LINGO2: variants seen among roughly 807,000 people sequenced by gnomAD.
LINGO2 encodes leucine-rich repeat and immunoglobulin-like domain-containing nogo receptor-interacting protein 2.
LINGO2 carries 14 observed loss-of-function variants against 30.6 expected under a neutral mutation model. The observed-to-expected ratio is 0.46, with a 90% CI of 0.30 to 0.72. The LOEUF is 0.72. LINGO2 is among the 30% of genes least tolerant of loss of function. The probability of loss-of-function intolerance (pLI) is 0.07; values close to 1 mark genes in which losing one functional copy is unlikely to be tolerated. For missense variants in LINGO2, 729 were observed against 751.7 expected, an observed-to-expected ratio of 0.97 and a Z score of 0.35; for synonymous variants, 317 against 288.5, an observed-to-expected ratio of 1.10 and a Z score of -1.00.
chr9:28,127,819 C>T (rs1026046901), intron 4 of LINGO2, among the ~76,000 whole-genome samples: 1 of 152,182 alleles, frequency 6.6e-6, no homozygotes, highest in Non-Finnish European at 1.5e-5. Flanking sequence ...TTTTCTGATT[C>T]AGTGTAGAGT....
intron 4 of LINGO2, among the ~76,000 whole-genome samples, chr9:28,025,083 GAAT>G (rs989353418): frequency 5.3e-5 from 8 of 152,270 alleles, no homozygotes; most frequent in African/African-American, 1.7e-4. Context: ...GGGCTGATGA[GAAT>G]AATAATCATG....
chr9:29,080,917 A>C, the LINGO2 span, among the ~76,000 whole-genome samples: 3,251 of 152,180 alleles, frequency 0.021, 119 homozygotes, highest in African/African-American at 0.074. Flanking sequence ...AGAAGACTGT[A>C]TATACTGTTG....
intron 4 of LINGO2, among the ~76,000 whole-genome samples, chr9:28,185,518 T>C (rs908388620): frequency 2.6e-5 from 4 of 152,154 alleles, no homozygotes; most frequent in Non-Finnish European, 5.9e-5. Flanking sequence ...TAAATGGCTC[T>C]GAGAAACCCC....
intron 1 of LINGO2, among the ~76,000 whole-genome samples, chr9:28,642,542 C>A (rs1827642764): frequency 6.6e-6 from 1 of 152,082 alleles, no homozygotes; most frequent in Non-Finnish European, 1.5e-5. Flanking sequence ...TTAAAGCAGA[C>A]AACTTTGAAT....
intron 4 of LINGO2, among the ~76,000 whole-genome samples, chr9:28,088,450 C>T (rs553604611): frequency 6.6e-6 from 1 of 152,108 alleles, no homozygotes; most frequent in South Asian, 2.1e-4. Context: ...TTTGCAAACA[C>T]CATAGTAATC....
At chr9:28,209,063 C>T (rs751346943) in intron 4 of LINGO2, among the ~76,000 whole-genome samples, 1 of 151,994 alleles carries the variant, frequency 6.6e-6, no homozygotes, top group Non-Finnish European at 1.5e-5. Context: ...CTATTCACGA[C>T]AGAGAGCAAA....
At chr9:29,122,526 G>C in the LINGO2 span, among the ~76,000 whole-genome samples, 28,626 of 151,830 alleles carry the variant, frequency 0.19, 2,864 homozygotes, top group East Asian at 0.34. Context: ...AATAAAATGT[G>C]TAACTTTTCA....
At chr9:29,080,322 C>G in the LINGO2 span, among the ~76,000 whole-genome samples, 41 of 151,550 alleles carry the variant, frequency 2.7e-4, 1 homozygote, top group South Asian at 7.7e-3. Flanking sequence ...GCATCTATTT[C>G]ATTCCTCTCT....
intron 1 of LINGO2, among the ~76,000 whole-genome samples, chr9:28,661,600 G>A (rs941700161): frequency 6.6e-6 from 1 of 152,038 alleles, no homozygotes; most frequent in Non-Finnish European, 1.5e-5. Flanking sequence ...ATGTTAACCT[G>A]GATATAATTC....
the LINGO2 span, among the ~76,000 whole-genome samples, chr9:28,917,242 T>C: frequency 1.3e-5 from 2 of 152,148 alleles, no homozygotes; most frequent in African/African-American, 4.8e-5. Context: ...ATTATTATTA[T>C]AAAACACCCT....
the LINGO2 span, among the ~76,000 whole-genome samples, chr9:28,872,195 A>G: frequency 6.6e-6 from 1 of 152,058 alleles, no homozygotes; most frequent in Non-Finnish European, 1.5e-5. Context: ...TAAAATATCT[A>G]TTGTGTTTTA....
chr9:28,080,577 C>T (rs1432428050), intron 4 of LINGO2: 1 of 152,208 alleles, frequency 6.6e-6, no homozygotes, highest in African/African-American at 2.4e-5. Context: ...ATTTGAATGA[C>T]ACCAAAGCAA....
At chr9:28,083,935 G>A (rs899437681) in intron 4 of LINGO2, among the ~76,000 whole-genome samples, 2 of 152,164 alleles carry the variant, frequency 1.3e-5, no homozygotes, top group East Asian at 3.8e-4. Context: ...ATTGTACACT[G>A]TGTGTCCACA....
intron 3 of LINGO2, among the ~76,000 whole-genome samples, chr9:28,362,938 G>C (rs111719362): frequency 6.6e-6 from 1 of 152,166 alleles, no homozygotes; most frequent in Non-Finnish European, 1.5e-5. Flanking sequence ...TATTTTCTGA[G>C]TAAGAACTTA....
At chr9:28,892,210 A>T in the LINGO2 span, among the ~76,000 whole-genome samples, 2 of 151,952 alleles carry the variant, frequency 1.3e-5, no homozygotes, top group South Asian at 4.1e-4. Context: ...ATTATGAAAA[A>T]CAAGCAGTCA....
the LINGO2 span, among the ~76,000 whole-genome samples, chr9:28,807,463 A>C: frequency 0.041 from 6,308 of 152,228 alleles, 195 homozygotes; most frequent in Admixed American, 0.081. Flanking sequence ...TCTAAAACTA[A>C]GTTCAAGCAT....
chr9:28,308,004 C>G (rs939175561), intron 3 of LINGO2, among the ~76,000 whole-genome samples: 13 of 151,340 alleles, frequency 8.6e-5, no homozygotes, highest in African/African-American at 3.2e-4. Context: ...GGCCATACTG[C>G]CCAAGGTAAT....
the LINGO2 span, among the ~76,000 whole-genome samples, chr9:28,832,488 C>T: frequency 2.0e-5 from 3 of 152,232 alleles, no homozygotes; most frequent in Middle Eastern, 6.8e-3. Flanking sequence ...CTGAAGCATA[C>T]AGTTTGTCTT....
chr9:29,199,224 T>C, the LINGO2 span, among the ~76,000 whole-genome samples: 1 of 152,078 alleles, frequency 6.6e-6, no homozygotes, highest in Non-Finnish European at 1.5e-5. Context: ...ATCACTGACA[T>C]TTTTCATTTT....
Sources: allele counts gnomAD v4.1 joint callset (sites outside exome capture counted in the v4.1 genomes callset), GRCh38; gene constraint gnomAD v4.1.1; transcripts MANE v1.5; gene names NCBI Gene and HGNC (gene_info 2026-07-23, HGNC 2026-07-21).